Variants in ZNF335 observed in about 807,000 individuals in gnomAD.
The protein encoded by ZNF335 is NRC-interacting factor 1.
Under a neutral mutation model 145.6 loss-of-function variants are expected in ZNF335, and 84 were observed. That is an observed-to-expected ratio of 0.58 (90% CI 0.48 to 0.69). ZNF335 has a LOEUF of 0.69. Among genes scored for constraint, ZNF335 ranks in the 30% least tolerant of loss-of-function variants. The probability of loss-of-function intolerance (pLI) is 0.00; values close to 1 mark genes in which losing one functional copy is unlikely to be tolerated. For synonymous variants in ZNF335, 761 were observed against 717.0 expected (o/e 1.06, Z -0.98); for missense variants, 1,865 against 1,809.7 (o/e 1.03, Z -0.55).
rs1600514455 is a variant in ZNF335 at position 45,948,770 on chromosome 20, G to A, written c.*183C>T. On this transcript the variant is annotated 3_prime_UTR_variant, in exon 28 of 28. Transcript: ENST00000322927. ...GCCTGCAGGCTGGGGCACCCAGCAT[G>A]TCCTGGCTGGGGCCCATGGCTGCCC... is the stretch of plus-strand genomic sequence containing the variant. 4 of 914,076 alleles carry A rather than the reference G, an allele frequency of 4.4e-6. No homozygotes were observed. Among genetic ancestry groups the A allele is most frequent in the East Asian group, 2.5e-5 (1 of 39,268 alleles). The allele number at this position is 914,076 out of a possible 1,614,324, so 56.6% of individuals were successfully genotyped here.
At chr20:45,957,501 A>G in intron 17 of ZNF335, 85 bp downstream of exon 17, 5 of 1,323,418 alleles carry the variant, frequency 3.8e-6, no homozygotes, top group East Asian at 4.7e-5. Context: ...GCTCTGATAC[A>G]CTGTTTTCCT....
intron 15 of ZNF335, 111 bp from the exon 16 acceptor site, chr20:45,958,039 C>A: frequency 1.2e-6 from 1 of 802,674 alleles, no homozygotes; most frequent in Non-Finnish European, 2.1e-6. Flanking sequence ...CTTGTTTCAT[C>A]TTCATAACCA....
At position 45,968,029 on chromosome 20, in the gene ZNF335, T is replaced by C; in HGVS notation, c.521-2A>G. Reference sequence around the variant, plus strand: ...ACATTGGTGATGTCATGGGGGCTCCTGGGGATGGGTGAGGCAATTGGAGGG... The same window carrying C: ...ACATTGGTGATGTCATGGGGGCTCCCGGGGATGGGTGAGGCAATTGGAGGG... On this transcript the variant is annotated splice_acceptor_variant, in intron 4 of 27. Coordinates refer to ENST00000322927, the MANE Select transcript of ZNF335 (RefSeq NM_022095.4). LOFTEE classifies it high-confidence loss of function. 6.2e-7 allele frequency: 1 copy of C among 1,612,318 alleles called. No individual in the cohort carries two copies. Among genetic ancestry groups the C allele is most frequent in the Non-Finnish European group, 8.5e-7 (1 of 1,179,956 alleles).
chr20:45,949,837 C>T lies in ZNF335; in HGVS notation c.3632G>A (p.Gly1211Asp). The change falls in exon 24 of 28, where the codon GGC becomes GAC. Residue 1211 changes from glycine to aspartate, a missense_variant. Gly to Asp is a moderately conservative substitution (Grantham distance 94). Transcript: ENST00000322927. ...GGTCACCAGGTGCTGTACGGTCTGG[C>T]CATCTGCCGTGGTGATCTCTTGGAT... Reference protein sequence around the residue: ...AYIQEITTADGQTVQHLVTSD... With the variant: ...AYIQEITTADDQTVQHLVTSD... 6.2e-7 allele frequency: 1 copy of T among 1,614,096 alleles called. No homozygotes were observed. Among genetic ancestry groups the T allele is most frequent in the South Asian group, 1.1e-5 (1 of 91,084 alleles).
At chr20:45,957,967 G>C in intron 15 of ZNF335, 39 bp from the exon 16 acceptor site, 1 of 1,553,854 alleles carries the variant, frequency 6.4e-7, no homozygotes, top group Non-Finnish European at 8.9e-7. Flanking sequence ...AGAGGGGCCA[G>C]CCCAGATTCA....
In ZNF335 at chr20:45,963,932, C is replaced by A. The variant is rs1187848754; in HGVS notation, c.1161G>T (p.Gln387His). The change falls in exon 8 of 28, where the codon CAG becomes CAT. Residue 387 changes from glutamine to histidine, a missense_variant. By Grantham distance (24) the Gln-to-His change is conservative. Transcript: ENST00000322927. ...SQSGQSPPEPQDPEAPSSSGP... is the reference protein window; with the variant it reads ...SQSGQSPPEPHDPEAPSSSGP... Reference sequence around the variant, plus strand: ...CTGAGGAGCTGGGAGCCTCGGGATCCTGTGGCTCTGGAGGGCTCTGTCCAC... The same window carrying A: ...CTGAGGAGCTGGGAGCCTCGGGATCATGTGGCTCTGGAGGGCTCTGTCCAC... 3 of 1,564,358 alleles carry A rather than the reference C, an allele frequency of 1.9e-6. No homozygotes were observed. Among genetic ancestry groups the A allele is most frequent in the Non-Finnish European group, 8.7e-7 (1 of 1,154,690 alleles).
chr20:45,963,451 C>T, intron 9 of ZNF335, 22 bp downstream of exon 9: 1 of 1,602,368 alleles, frequency 6.2e-7, no homozygotes, highest in Non-Finnish European at 8.5e-7. Context: ...CCATGAGCCC[C>T]AAGCCTCTTT....
intron 27 of ZNF335, 22 bp downstream of exon 27, chr20:45,949,148 T>C (rs771190289): frequency 1.2e-6 from 2 of 1,613,526 alleles, no homozygotes; most frequent in East Asian, 2.2e-5. Context: ...AGCCCCATGC[T>C]CCTCAGGATC....
rs146217460 is a variant in ZNF335, at chr20:45,952,350, T to C, written c.2986A>G (p.Thr996Ala). ...ACTGCCAGGCCCAGGGCTTTGCTGG[T>C]TGCAGGAGGTGAGGAGGCAGAGCTC... ...SQSSASSPPA[T>A]SKALGLAVPP... The change falls in exon 20 of 28, where the codon ACC becomes GCC. Residue 996 changes from threonine to alanine, a missense_variant. By Grantham distance (58) the Thr-to-Ala change is moderately conservative. Transcript: ENST00000322927. 6.1e-4 allele frequency: 991 copies of C among 1,612,676 alleles called. 6 individuals are homozygous for C. In the African/African-American group the frequency reaches 0.012, roughly 20 times the overall value.
rs2083574874 is a variant in ZNF335 at position 45,948,968 on chromosome 20, G to A, written c.4014C>T (p.Thr1338=). The A allele has an allele frequency of 1.2e-6, 2 of 1,613,810 alleles. No homozygotes were observed. The highest frequency in any genetic ancestry group is 8.5e-7 in the Non-Finnish European group (1 of 1,180,044). ...CCCTCGGGGCTCAGTCATCGGCCAG[G>A]GTGATGACGTCGTACTCGATGCCCT... is the stretch of plus-strand genomic sequence containing the variant. The part of the protein sequence containing the change: ...QHQGIEYDVI[T]LADD Residue 1338 remains threonine, a synonymous_variant, in exon 28 of 28, where the codon ACC becomes ACT. Coordinates refer to ENST00000322927, the MANE Select transcript of ZNF335 (RefSeq NM_022095.4).
In ZNF335 at chr20:45,949,201, T is replaced by C. The variant is rs2083580794; in HGVS notation, c.3870A>G (p.Gln1290=). ...CAGCTGAGTGTGCTGCAGCCTCAAGTTGAGCCTGTGTGACAAGCTGCTGGC... is the reference window on the plus strand; with the variant it reads ...CAGCTGAGTGTGCTGCAGCCTCAAGCTGAGCCTGTGTGACAAGCTGCTGGC... ...SPGQQLVTQA[Q]LEAAAHSAVT... The change falls in exon 27 of 28, where the codon CAA becomes CAG. Residue 1290 remains glutamine, a synonymous_variant. Coordinates refer to ENST00000322927, the MANE Select transcript of ZNF335 (RefSeq NM_022095.4). 2 of 1,613,866 alleles carry C rather than the reference T, an allele frequency of 1.2e-6. No individual in the cohort carries two copies. Among genetic ancestry groups the C allele is most frequent in the African/African-American group, 1.3e-5 (1 of 75,028 alleles).
In ZNF335 at chr20:45,960,102, G is replaced by C. The variant is rs2083807940; in HGVS notation, c.2020+106C>G. The C allele has an allele frequency of 1.4e-5, 19 of 1,329,232 alleles. No homozygotes were observed. In the South Asian group the frequency reaches 2.6e-4, roughly 18 times the overall value. The allele number at this position is 1,329,232 out of a possible 1,614,324, so 82.3% of individuals were successfully genotyped here. ...ACTTGAAGGACTTGGGCTGTTCTGT[G>C]GCTGGGGCTACCGAGGGGGAAGGAA... is the stretch of plus-strand genomic sequence containing the variant. On this transcript the variant is annotated intron_variant, in intron 14 of 27. Coordinates refer to ENST00000322927, the MANE Select transcript of ZNF335 (RefSeq NM_022095.4).
Position 45,950,335 on chromosome 20 carries a change from CG to C in ZNF335, c.3370del (p.Arg1124GlyfsTer28). 1 of 1,582,560 alleles carries C rather than the reference CG, an allele frequency of 6.3e-7. No homozygotes were observed. The highest frequency in any genetic ancestry group is 8.6e-7 in the Non-Finnish European group (1 of 1,162,062). On this transcript the variant is annotated frameshift_variant, in exon 22 of 28. Transcript: ENST00000322927. LOFTEE classifies it high-confidence loss of function. ...RNGHLKFHIQ[R>X]LHSPDGRKSG... Reference sequence around the variant, plus strand: ...CTTCCTCCCATCAGGACTGTGCAGCCGCTGGATGTGGAACTTGAGGTGCCCG... The same window carrying C: ...CTTCCTCCCATCAGGACTGTGCAGCCCTGGATGTGGAACTTGAGGTGCCCG...
At chr20:45,972,090 G>C in intron 1 of ZNF335, 32 bp downstream of exon 1, 13 of 1,288,566 alleles carry the variant, frequency 1.0e-5, no homozygotes, top group Non-Finnish European at 1.3e-5. Flanking sequence ...GGCAGGGTAC[G>C]GTGGGGCCGC....
At chr20:45,971,548 A>AT (rs938215585) in intron 1 of ZNF335, 88 bp from the exon 2 acceptor site, 1 of 1,469,958 alleles carries the variant, frequency 6.8e-7, no homozygotes, top group African/African-American at 1.4e-5. Context: ...CCCTGCGCCC[A>AT]TTTTGCAGAT....
Position 45,948,895 on chromosome 20 carries a change from C to T in ZNF335, c.*58G>A. 1 of 1,609,936 alleles carries T rather than the reference C, an allele frequency of 6.2e-7. No homozygotes were observed. The highest frequency in any genetic ancestry group is 8.5e-7 in the Non-Finnish European group (1 of 1,177,888). ...TGAAGAGGGAGGTGAGTCCTGGTGG[C>T]CCCCTACCCCCAGGAGAGCTGGCCG... On this transcript the variant is annotated 3_prime_UTR_variant, in exon 28 of 28. Transcript: ENST00000322927.
chr20:45,959,278 G>T lies in ZNF335; in HGVS notation c.2176C>A (p.Leu726Met). Residue 726 changes from leucine to methionine, a missense_variant, in exon 15 of 28, where the codon CTG becomes ATG. Transcript: ENST00000322927. ...PPSRRRPFFS[L>M]QQIEELKQQH... Reference sequence around the variant, plus strand: ...TGCTTCAGCTCCTCAATCTGCTGCAGAGAGAAGAAGGGGCGACGGCGGGAG... The same window carrying T: ...TGCTTCAGCTCCTCAATCTGCTGCATAGAGAAGAAGGGGCGACGGCGGGAG... The T allele has an allele frequency of 6.5e-7, 1 of 1,543,234 alleles. No homozygotes were observed. Among genetic ancestry groups the T allele is most frequent in the Non-Finnish European group, 8.8e-7 (1 of 1,139,774 alleles).
At chr20:45,964,166 G>A (rs771920611) in intron 7 of ZNF335, 176 bp from the exon 8 acceptor site, 34 of 704,240 alleles carry the variant, frequency 4.8e-5, no homozygotes, top group Middle Eastern at 2.6e-4. Context: ...GGATACTACC[G>A]CCCAACAGCC....
rs1013930904 is a variant in ZNF335, at chr20:45,963,862, C to A, written c.1231G>T (p.Val411Leu). The A allele has an allele frequency of 6.2e-7, 1 of 1,611,442 alleles. No homozygotes were observed. The highest frequency in any genetic ancestry group is 8.5e-7 in the Non-Finnish European group (1 of 1,178,424). ...VAMGKVSRTP[V>L]EAGVSQSDAE... is the part of the protein sequence containing the mutation. The stretch of plus-strand genomic sequence containing the variant: ...TCTGACTGGCTCACACCAGCTTCCA[C>A]AGGGGTCCTGCTCACCTTGCCCATG... The change falls in exon 8 of 28, where the codon GTG (valine) becomes TTG (leucine). Residue 411 changes from valine (V) to leucine (L), a missense_variant. Coordinates refer to ENST00000322927, the MANE Select transcript of ZNF335 (RefSeq NM_022095.4).
Sources: allele counts gnomAD v4.1 joint callset, GRCh38; gene constraint gnomAD v4.1.1; transcripts MANE v1.5; gene names NCBI Gene and HGNC (gene_info 2026-07-23, HGNC 2026-07-21).